FAM193A: variants seen among roughly 807,000 people sequenced by gnomAD.
FAM193A encodes family with sequence similarity 193 member A.
A neutral mutation model predicts 126.5 loss-of-function variants in FAM193A; 22 were observed. The observed-to-expected ratio is 0.17, with a 90% CI of 0.12 to 0.25. The LOEUF is 0.25. FAM193A is among the 10% of genes least tolerant of loss of function. The pLI is 1.00. For synonymous variants in FAM193A, 761 were observed against 646.8 expected (o/e 1.18, Z -2.68); for missense variants, 1,675 against 1,672.8 (o/e 1.00, Z -0.02).
At chr4:2,730,686 T>C (rs1398894617) in intron 20 of FAM193A, among the ~76,000 whole-genome samples, 2 of 133,850 alleles carry the variant, frequency 1.5e-5, no homozygotes, top group East Asian at 4.3e-4. Flanking sequence ...CAAGACTCCG[T>C]GTCAAGAAAA....
At position 2,732,132 on chromosome 4, in the gene FAM193A, G is replaced by A. The variant is rs540374740; in HGVS notation, c.*264G>A. On this transcript the variant is annotated 3_prime_UTR_variant, in exon 21 of 21. Transcript: ENST00000637812. Reference sequence around the variant, plus strand: ...GTTCCCGCCAAGTCCTCCCACCACCGCGGCCTCGGAGGCCTGGGCCGTGGC... The same window carrying A: ...GTTCCCGCCAAGTCCTCCCACCACCACGGCCTCGGAGGCCTGGGCCGTGGC... 2.0e-6 allele frequency: 1 copy of A among 497,572 alleles called. No homozygotes were observed. The highest frequency in any genetic ancestry group is 3.7e-6 in the Non-Finnish European group (1 of 272,632). 30.8% of individuals were successfully genotyped at this position (497,572 alleles called of 1,614,324 possible).
chr4:2,701,633 G>A (rs907150197), intron 19 of FAM193A, among the ~76,000 whole-genome samples: 2 of 152,076 alleles, frequency 1.3e-5, no homozygotes, highest in African/African-American at 4.8e-5. Context: ...TTTCACTACG[G>A]TCAAGTTAAT....
At chr4:2,609,669 C>T (rs569095364) in intron 2 of FAM193A, among the ~76,000 whole-genome samples, 13 of 152,160 alleles carry the variant, frequency 8.5e-5, no homozygotes, top group Non-Finnish European at 1.8e-4. Flanking sequence ...GCCGATCACG[C>T]CTGTAATCCC....
intron 5 of FAM193A, among the ~76,000 whole-genome samples, chr4:2,635,077 T>A (rs74398668): frequency 0.015 from 2,233 of 152,326 alleles, 47 homozygotes; most frequent in African/African-American, 0.051. Flanking sequence ...ATCCATTATC[T>A]TCTGTAGCCA....
chr4:2,666,137 A>G (rs1159433464), intron 12 of FAM193A, among the ~76,000 whole-genome samples: 2 of 152,210 alleles, frequency 1.3e-5, no homozygotes, highest in Admixed American at 6.5e-5. Context: ...TTTTTCATAG[A>G]TGCCCTTTAT....
intron 20 of FAM193A, among the ~76,000 whole-genome samples, chr4:2,729,991 G>T (rs1229834372): frequency 1.3e-5 from 2 of 152,082 alleles, no homozygotes; most frequent in African/African-American, 4.8e-5. Flanking sequence ...CTGCAGCCTT[G>T]ACCTCCCAGG....
intron 7 of FAM193A, among the ~76,000 whole-genome samples, chr4:2,651,665 C>T: frequency 6.6e-6 from 1 of 152,106 alleles, no homozygotes; most frequent in East Asian, 1.9e-4. Flanking sequence ...TGGGTGGGGA[C>T]AAAGGTGAAC....
intron 2 of FAM193A, among the ~76,000 whole-genome samples, 176 bp from the exon 3 acceptor site, chr4:2,625,086 G>T (rs1742818018): frequency 6.6e-6 from 1 of 152,182 alleles, no homozygotes; most frequent in South Asian, 2.1e-4. Context: ...ACCCACCTCA[G>T]ACTCCCAAAG....
intron 4 of FAM193A, among the ~76,000 whole-genome samples, chr4:2,627,039 C>T (rs531121266): frequency 1.7e-4 from 26 of 152,244 alleles, no homozygotes; most frequent in African/African-American, 6.0e-4. Flanking sequence ...TGAGGCGTGC[C>T]TGGCCGTGTG....
chr4:2,546,279 A>C (rs1303967927), intron 1 of FAM193A, among the ~76,000 whole-genome samples: 1 of 151,896 alleles, frequency 6.6e-6, no homozygotes, highest in Admixed American at 6.6e-5. Flanking sequence ...GGTGTAGGCT[A>C]CTGTCCCAGC....
At chr4:2,579,154 C>T (rs928644624) in intron 1 of FAM193A, among the ~76,000 whole-genome samples, 11 of 151,762 alleles carry the variant, frequency 7.2e-5, no homozygotes, top group African/African-American at 2.4e-4. Context: ...ATCACCACTA[C>T]GCCTGGCCAG....
rs575894638 is a variant in FAM193A, at chr4:2,681,989, T to G, written c.2332-7517T>G. ...TTCTCAGGGTTTTTTTTTTTTTGGT[T>G]TTTTTTTTTTTTTGAGACAGAGTCT... On this transcript the variant is annotated intron_variant, in intron 13 of 20. Transcript: ENST00000637812. 2.4e-3 allele frequency among the ~76,000 whole-genome samples: 343 copies of G among 140,224 alleles called. 1 individual carries two copies. Among genetic ancestry groups the G allele is most frequent in the African/African-American group, 7.1e-3 (251 of 35,140 alleles). 92.0% of individuals were successfully genotyped at this position (140,224 alleles called of 152,430 possible). A position where few individuals can be genotyped will look rare whatever the true frequency, so the allele number is the denominator to read the frequency against.
chr4:2,556,331 G>T (rs28393301), intron 1 of FAM193A, among the ~76,000 whole-genome samples: 49,862 of 151,914 alleles, frequency 0.33, 9,668 homozygotes, highest in Admixed American at 0.53. Context: ...TCAGCCTTCC[G>T]AGTAGCTGGG....
At chr4:2,600,319 C>T (rs1326261443) in intron 2 of FAM193A, among the ~76,000 whole-genome samples, 1 of 152,226 alleles carries the variant, frequency 6.6e-6, no homozygotes, top group African/African-American at 2.4e-5. Context: ...CACTGTGGCT[C>T]TTCCGTGGCT....
intron 20 of FAM193A, among the ~76,000 whole-genome samples, chr4:2,726,828 T>G (rs2109426351): frequency 6.9e-6 from 1 of 144,544 alleles, no homozygotes; most frequent in South Asian, 2.2e-4. Context: ...TGCACATCTG[T>G]AGTCCCAGCT....
chr4:2,704,711 A>G (rs907593921), intron 19 of FAM193A, among the ~76,000 whole-genome samples: 22 of 152,206 alleles, frequency 1.4e-4, no homozygotes, highest in African/African-American at 5.3e-4. Context: ...CTTATAGAGT[A>G]GTTGTCAGGC....
At chr4:2,559,015 CAAG>C (rs1336257356) in intron 1 of FAM193A, among the ~76,000 whole-genome samples, 1 of 152,154 alleles carries the variant, frequency 6.6e-6, no homozygotes, top group East Asian at 1.9e-4. Context: ...AAAACAGAAA[CAAG>C]AACAGCATAG....
At chr4:2,715,608 G>A (rs1719453760) in intron 19 of FAM193A, 6 of 686,834 alleles carry the variant, frequency 8.7e-6, no homozygotes, top group Non-Finnish European at 1.1e-5. Flanking sequence ...TGTCCCCTGG[G>A]CAGCTTCTGC....
At chr4:2,696,704 G>A (rs114238019) in intron 18 of FAM193A, 111 bp downstream of exon 18, 8,738 of 755,718 alleles carry the variant, frequency 0.012, 82 homozygotes, top group Non-Finnish European at 0.014. Context: ...GGGCTCTGAC[G>A]TGTGTTCACT....
Sources: gnomAD v4.1 joint callset for allele counts (sites outside exome capture counted in the v4.1 genomes callset) on GRCh38, gnomAD v4.1.1 for gene constraint, MANE v1.5 for transcripts, NCBI Gene and HGNC (gene_info 2026-07-23, HGNC 2026-07-21) for gene names.